NHSL1: variants seen among roughly 807,000 people sequenced by gnomAD.
The protein encoded by NHSL1 is NHS-like protein 1.
In NHSL1, 48 loss-of-function variants were observed where a neutral mutation model predicts 95.0. The observed-to-expected ratio is 0.51, with a 90% confidence interval of 0.40 to 0.64. The LOEUF (loss-of-function observed/expected upper bound fraction) is 0.64, where lower values mean the gene tolerates loss of function less well. Among genes scored for constraint, NHSL1 ranks in the 30% least tolerant of loss-of-function variants. The pLI, the probability that NHSL1 is intolerant of heterozygous loss-of-function variation, is 0.00. For missense variants in NHSL1, 1,971 were observed against 2,077.7 expected, an observed-to-expected ratio of 0.95 and a Z score of 1.00; for synonymous variants, 783 against 833.9, an observed-to-expected ratio of 0.94 and a Z score of 1.05.
chr6:138,653,920 A>C (rs1785124098), intron 1 of NHSL1, among the ~76,000 whole-genome samples: 1 of 152,156 alleles, frequency 6.6e-6, no homozygotes, highest in Non-Finnish European at 1.5e-5. Flanking sequence ...CCCTAATTTG[A>C]TTTCACCAAC....
At chr6:138,576,939 T>C (rs952354251), upstream of NHSL1, among the ~76,000 whole-genome samples, 1 of 152,170 alleles carries the variant, frequency 6.6e-6, no homozygotes, top group Non-Finnish European at 1.5e-5. Context: ...ACATAATACA[T>C]TAAGGAAAAT....
intron 1 of NHSL1, among the ~76,000 whole-genome samples, chr6:138,674,012 T>C (rs187350385): frequency 2.6e-5 from 4 of 152,368 alleles, no homozygotes; most frequent in African/African-American, 9.6e-5. Flanking sequence ...TGTTTTCTTG[T>C]ATTTTATCAG....
chr6:138,669,135 G>C (rs1344442542), intron 1 of NHSL1, among the ~76,000 whole-genome samples: 1 of 152,046 alleles, frequency 6.6e-6, no homozygotes, highest in East Asian at 1.9e-4. Context: ...CACAGGGAAA[G>C]GTATTCTGCT....
At chr6:138,682,693 C>G (rs571577966) in intron 1 of NHSL1, among the ~76,000 whole-genome samples, 9 of 152,290 alleles carry the variant, frequency 5.9e-5, no homozygotes, top group African/African-American at 2.2e-4. Context: ...GCCTCACACA[C>G]GGCCTAGATG....
intron 1 of NHSL1, among the ~76,000 whole-genome samples, chr6:138,641,240 G>A (rs1424651023): frequency 6.6e-5 from 10 of 152,206 alleles, no homozygotes; most frequent in Non-Finnish European, 1.3e-4. Flanking sequence ...ACTTAGTGCT[G>A]TATACATTCT....
At chr6:138,565,070 G>A (rs1783559017) in intron 1 of NHSL1, among the ~76,000 whole-genome samples, 3 of 152,156 alleles carry the variant, frequency 2.0e-5, no homozygotes, top group Non-Finnish European at 4.4e-5. Context: ...GCAATGGGGA[G>A]CTACAGAAAG....
chr6:138,438,362 A>T (rs1249966432), intron 5 of NHSL1, among the ~76,000 whole-genome samples: 2 of 151,884 alleles, frequency 1.3e-5, no homozygotes, highest in East Asian at 3.8e-4. Context: ...ATTTTTTTTT[A>T]ACATAATGCT....
chr6:138,601,152 C>T (rs996088474), intron 1 of NHSL1, among the ~76,000 whole-genome samples: 1 of 152,124 alleles, frequency 6.6e-6, no homozygotes, highest in African/African-American at 2.4e-5. Context: ...ATCACTTATC[C>T]CAGAACTTTC....
chr6:138,489,825 G>GGAGA (rs1252989861), intron 2 of NHSL1, among the ~76,000 whole-genome samples: 1 of 76,212 alleles, frequency 1.3e-5, no homozygotes, highest in Non-Finnish European at 2.6e-5. Flanking sequence ...AGGGAGAGAG[G>GGAGA]GAGAGAGAGA....
chr6:138,528,342 A>C (rs1399241550), intron 1 of NHSL1, among the ~76,000 whole-genome samples: 1 of 151,648 alleles, frequency 6.6e-6, no homozygotes, highest in African/African-American at 2.4e-5. Context: ...CTTTAGAAGA[A>C]AAAAAAAATC....
upstream of NHSL1, among the ~76,000 whole-genome samples, chr6:138,573,948 C>CT (rs1049227710): frequency 5.3e-5 from 8 of 151,944 alleles, no homozygotes; most frequent in African/African-American, 1.7e-4. Context: ...ATTTTATTTT[C>CT]TTTTTTTTGA....
intron 1 of NHSL1, among the ~76,000 whole-genome samples, chr6:138,536,770 T>G: frequency 6.6e-6 from 1 of 152,082 alleles, no homozygotes; most frequent in East Asian, 1.9e-4. Context: ...GTCCTAATGC[T>G]CTCCCTCCTC....
At chr6:138,681,654 T>A (rs1472861076) in intron 1 of NHSL1, among the ~76,000 whole-genome samples, 1 of 152,234 alleles carries the variant, frequency 6.6e-6, no homozygotes, top group Non-Finnish European at 1.5e-5. Context: ...AGTTCTCAGA[T>A]GCCAACATAA....
intron 1 of NHSL1, among the ~76,000 whole-genome samples, chr6:138,633,325 A>T (rs1435227068): frequency 2.0e-5 from 3 of 152,226 alleles, no homozygotes; most frequent in African/African-American, 4.8e-5. Context: ...TGAAGATATC[A>T]CTAGCCAAGT....
upstream of NHSL1, among the ~76,000 whole-genome samples, chr6:138,576,782 G>A (rs150686399): frequency 1.6e-4 from 24 of 152,290 alleles, no homozygotes; most frequent in South Asian, 6.2e-4. Flanking sequence ...CCTGCATAAT[G>A]ACCCCCAGGT....
chr6:138,461,376 G>A (rs1413411953), intron 3 of NHSL1, among the ~76,000 whole-genome samples: 2 of 152,216 alleles, frequency 1.3e-5, no homozygotes, highest in Non-Finnish European at 2.9e-5. Flanking sequence ...TACAAGGTTT[G>A]AGCCCCGAGT....
chr6:138,592,267 T>C (rs899044385), intron 1 of NHSL1, among the ~76,000 whole-genome samples: 1 of 152,060 alleles, frequency 6.6e-6, no homozygotes, highest in Non-Finnish European at 1.5e-5. Context: ...TGAATGAAAA[T>C]AGAACACAAG....
intron 1 of NHSL1, among the ~76,000 whole-genome samples, chr6:138,630,990 C>T (rs77242060): frequency 0.045 from 6,881 of 152,252 alleles, 220 homozygotes; most frequent in South Asian, 0.068. Flanking sequence ...AGTCTTGAAT[C>T]ACAGATGCCA....
chr6:138,424,085 C>G lies in NHSL1; in HGVS notation c.4817G>C (p.Ser1606Thr). ...GGGAGAGTTACGTTCTTGGCCCTAA[C>G]TCTCCTCGCTCAGAGAACCGCCACA... ...PQCGGSLSEE[S>T] The change falls in exon 8 of 8, where the codon AGT becomes ACT. Residue 1606 changes from serine to threonine, a missense_variant. By Grantham distance (58) the Ser-to-Thr change is moderately conservative. Coordinates refer to ENST00000343505, the MANE Select transcript of NHSL1 (RefSeq NM_001144060.2). This position sits in a 1 kb window ranked among gnomAD's most constrained non-coding sequence, Gnocchi z 5.9. 2.2e-6 allele frequency: 3 copies of G among 1,384,274 alleles called. No homozygotes were observed. The highest frequency in any genetic ancestry group is 3.1e-5 in the Admixed American group (1 of 32,098). The allele number at this position is 1,384,274 out of a possible 1,614,324, so 85.7% of individuals were successfully genotyped here.
Sources: allele counts gnomAD v4.1 joint callset (sites outside exome capture counted in the v4.1 genomes callset), GRCh38; gene constraint gnomAD v4.1.1; non-coding constraint Gnocchi (gnomAD v3.1); transcripts MANE v1.5; gene names NCBI Gene and HGNC (gene_info 2026-07-23, HGNC 2026-07-21).